TRHDE: variants seen among roughly 807,000 people sequenced by gnomAD.
The protein encoded by TRHDE is thyrotropin releasing hormone degrading enzyme, also known as thyrotropin-releasing hormone-degrading ectoenzyme.
TRHDE carries 72 observed loss-of-function variants against 125.7 expected under a neutral mutation model. The ratio of observed to expected loss-of-function variants is 0.57; its 90% confidence interval spans 0.47 to 0.70. The LOEUF (loss-of-function observed/expected upper bound fraction) is 0.70. Among genes scored for constraint, TRHDE ranks in the 30% least tolerant of loss-of-function variants. The pLI, the probability that TRHDE is intolerant of heterozygous loss-of-function variation, is 0.00. For synonymous variants in TRHDE, 509 were observed against 509.1 expected (o/e 1.00, Z 0.00); for missense variants, 1,110 against 1,327.1 (o/e 0.84, Z 2.54).
In TRHDE at chr12:72,286,760, A is replaced by G. The variant is rs1879904338; in HGVS notation, c.994A>G (p.Thr332Ala). The G allele has an allele frequency of 1.2e-6, 2 of 1,613,810 alleles. No individual in the cohort carries two copies. Among genetic ancestry groups the G allele is most frequent in the Non-Finnish European group, 8.5e-7 (1 of 1,179,950 alleles). ...TTTTGATGAGCCAATCTACAAGGCT[A>G]CTTTCAAAATCAGCATCAAGCATCA... ...PCFDEPIYKA[T>A]FKISIKHQAT... The change falls in exon 2 of 19, where the codon ACT becomes GCT. Residue 332 changes from threonine (T) to alanine (A), a missense_variant. This residue lies in a region of TRHDE where 252 missense variants were observed against 274.8 expected (regional missense o/e 0.92). Coordinates refer to ENST00000261180, the MANE Select transcript of TRHDE (RefSeq NM_013381.3).
chr12:72,257,189 ATC>A (rs981340423), intron 2 of TRHDE: 42 of 152,294 alleles, frequency 2.8e-4, no homozygotes, highest in African/African-American at 9.6e-4. Context: ...TAATCCAAAA[ATC>A]TGAAATCCGA....
intron 2 of TRHDE, among the ~76,000 whole-genome samples, chr12:72,194,586 G>T (rs1877402650): frequency 6.6e-6 from 1 of 152,004 alleles, no homozygotes; most frequent in South Asian, 2.1e-4. Flanking sequence ...ATGTCCATGA[G>T]TACCCATTGT....
chr12:72,527,744 T>C (rs1389498), intron 6 of TRHDE, among the ~76,000 whole-genome samples: 35,139 of 151,988 alleles, frequency 0.23, 5,586 homozygotes, highest in East Asian at 0.48. Context: ...ATGCTATATG[T>C]ATTTTATACA....
intron 2 of TRHDE, among the ~76,000 whole-genome samples, chr12:72,121,666 T>C (rs1275435536): frequency 1.3e-5 from 2 of 152,020 alleles, no homozygotes; most frequent in Admixed American, 1.3e-4. Context: ...AGTGATATGA[T>C]GTTAAACTGG....
At chr12:72,091,233 C>T (rs996560194) in intron 1 of TRHDE, among the ~76,000 whole-genome samples, 1 of 152,018 alleles carries the variant, frequency 6.6e-6, no homozygotes, top group African/African-American at 2.4e-5. Flanking sequence ...CCCTTTCTTG[C>T]ATTATGGACC....
chr12:72,452,820 T>C (rs562284311), intron 3 of TRHDE, among the ~76,000 whole-genome samples: 1 of 152,172 alleles, frequency 6.6e-6, no homozygotes, highest in East Asian at 1.9e-4. Flanking sequence ...TCTGGCCATG[T>C]ACATGCCTAC....
At chr12:72,575,141 T>C in intron 10 of TRHDE, 114 bp from the exon 11 acceptor site, 1 of 1,017,392 alleles carries the variant, frequency 9.8e-7, no homozygotes, top group Non-Finnish European at 1.4e-6. Flanking sequence ...AATTAGGTAT[T>C]TAAGATGACA....
intron 2 of TRHDE, among the ~76,000 whole-genome samples, chr12:72,145,726 A>C (rs1249256173): frequency 6.7e-6 from 1 of 150,090 alleles, no homozygotes; most frequent in South Asian, 2.1e-4. Context: ...CTTTATGAAA[A>C]CCTCTTTCAG....
intron 2 of TRHDE, among the ~76,000 whole-genome samples, chr12:72,184,627 T>G (rs1037988679): frequency 6.6e-6 from 1 of 152,164 alleles, no homozygotes; most frequent in Non-Finnish European, 1.5e-5. Flanking sequence ...TTCTGTCTTC[T>G]TTCCTGTTCC....
intron 2 of TRHDE, among the ~76,000 whole-genome samples, chr12:72,183,885 T>C (rs1329671133): frequency 2.0e-5 from 3 of 152,184 alleles, no homozygotes; most frequent in Non-Finnish European, 4.4e-5. Context: ...GCTGATAAAA[T>C]ATATATTTCT....
At chr12:72,214,969 C>T (rs1311814378) in intron 2 of TRHDE, among the ~76,000 whole-genome samples, 4 of 152,092 alleles carry the variant, frequency 2.6e-5, no homozygotes, top group African/African-American at 9.7e-5. Flanking sequence ...TCCATGCAAA[C>T]GATCATTTAT....
At chr12:72,112,389 T>A (rs1810341910) in intron 2 of TRHDE, among the ~76,000 whole-genome samples, 1 of 152,154 alleles carries the variant, frequency 6.6e-6, no homozygotes, top group Non-Finnish European at 1.5e-5. Flanking sequence ...CCATTCAGAT[T>A]TCATCTGAAA....
chr12:72,299,956 G>A (rs905878024), intron 2 of TRHDE, among the ~76,000 whole-genome samples: 11 of 152,190 alleles, frequency 7.2e-5, no homozygotes, highest in Non-Finnish European at 1.5e-4. Context: ...GATAGACATC[G>A]TGGGTGAAAG....
intron 2 of TRHDE, among the ~76,000 whole-genome samples, chr12:72,292,102 G>A (rs115302852): frequency 1.1e-4 from 16 of 152,254 alleles, no homozygotes; most frequent in African/African-American, 3.6e-4. Flanking sequence ...GAGGCTTTGT[G>A]GAATAAAAAT....
chr12:72,526,066 G>GA (rs1170159976), intron 6 of TRHDE, among the ~76,000 whole-genome samples: 1 of 151,870 alleles, frequency 6.6e-6, no homozygotes, highest in African/African-American at 2.4e-5. Flanking sequence ...CATTTTTCCA[G>GA]AAAAAAATTA....
chr12:72,361,254 G>C (rs1373468918), intron 2 of TRHDE, among the ~76,000 whole-genome samples: 2 of 151,794 alleles, frequency 1.3e-5, no homozygotes, highest in Non-Finnish European at 2.9e-5. Context: ...AAAATCCCAT[G>C]GGATTTATTC....
chr12:72,423,519 C>T (rs1429858742), intron 3 of TRHDE, among the ~76,000 whole-genome samples: 1 of 152,118 alleles, frequency 6.6e-6, no homozygotes, highest in African/African-American at 2.4e-5. Context: ...TAACAGACAA[C>T]AAAGTGATTC....
chr12:72,565,741 G>A (rs547789413), intron 9 of TRHDE, among the ~76,000 whole-genome samples: 1 of 151,750 alleles, frequency 6.6e-6, no homozygotes, highest in South Asian at 2.1e-4. Context: ...TCTCATTCAG[G>A]TTTATATGCA....
At chr12:72,204,405 A>T (rs572547732) in intron 2 of TRHDE, among the ~76,000 whole-genome samples, 1 of 151,768 alleles carries the variant, frequency 6.6e-6, no homozygotes, top group Non-Finnish European at 1.5e-5. Flanking sequence ...GCTTCCTGTT[A>T]TTTTTTTCTA....
Sources: gnomAD v4.1 joint callset for allele counts (sites outside exome capture counted in the v4.1 genomes callset) on GRCh38, gnomAD v4.1.1 for gene constraint, gnomAD v4.1.1 regional missense constraint, MANE v1.5 for transcripts, NCBI Gene and HGNC (gene_info 2026-07-23, HGNC 2026-07-21) for gene names.